Variants in SPATA7 observed in about 807,000 individuals in gnomAD.
The protein encoded by SPATA7 is spermatogenesis associated 7.
Under a neutral mutation model 51.8 loss-of-function variants are expected in SPATA7, and 43 were observed. The ratio of observed to expected loss-of-function variants is 0.83; its 90% confidence interval spans 0.65 to 1.07. The LOEUF is 1.07. SPATA7 is among the 50% of genes least tolerant of loss of function. The pLI, the probability that SPATA7 is intolerant of heterozygous loss-of-function variation, is 0.00. For missense variants in SPATA7, 683 were observed against 701.3 expected (o/e 0.97, Z 0.30); for synonymous variants, 230 against 252.8 (o/e 0.91, Z 0.86).
chr14:88,420,581 C>G (rs767411588), intron 5 of SPATA7, among the ~76,000 whole-genome samples: 3 of 151,972 alleles, frequency 2.0e-5, no homozygotes, highest in Non-Finnish European at 2.9e-5. Context: ...ATTTTTTGAA[C>G]TTTTAAATTT....
At chr14:88,387,385 A>G (rs1393925095) in intron 1 of SPATA7, among the ~76,000 whole-genome samples, 2 of 145,706 alleles carry the variant, frequency 1.4e-5, no homozygotes, top group African/African-American at 5.7e-5. Context: ...AATGTCAAAT[A>G]CTGTTATTTT....
intron 3 of SPATA7, among the ~76,000 whole-genome samples, chr14:88,444,176 C>G (rs1293983253): frequency 6.6e-6 from 1 of 151,958 alleles, no homozygotes; most frequent in East Asian, 1.9e-4. Flanking sequence ...GATCGCCATT[C>G]TAACTGGTGT....
At chr14:88,393,900 A>T (rs116743535) in intron 3 of SPATA7, among the ~76,000 whole-genome samples, 2 of 152,248 alleles carry the variant, frequency 1.3e-5, no homozygotes, top group African/African-American at 4.8e-5. Context: ...TATAATGTGT[A>T]CAGATAAATA....
chr14:88,440,845 G>A (rs984645598), downstream of SPATA7, among the ~76,000 whole-genome samples: 1 of 151,884 alleles, frequency 6.6e-6, no homozygotes, highest in African/African-American at 2.4e-5. Flanking sequence ...TTTTATTTCA[G>A]TAGGATTTTG....
intron 4 of SPATA7, among the ~76,000 whole-genome samples, chr14:88,411,543 A>G (rs1339123024): frequency 6.6e-6 from 1 of 151,994 alleles, no homozygotes; most frequent in East Asian, 1.9e-4. Context: ...TGCAAAGACC[A>G]TGGGTAAAGC....
In SPATA7 at chr14:88,402,206, T is replaced by C. The variant is rs2076080080; in HGVS notation, c.238+6003T>C. Among the ~76,000 whole-genome samples the C allele has an allele frequency of 2.6e-5, 4 of 152,242 alleles. No homozygotes were observed. The South Asian group carries it at 8.3e-4, about 32-fold the overall frequency. Reference sequence around the variant, plus strand: ...TGAATTGGAATAATTAATATTGTTATAATTTTTGTACTACCCAAAGTAGTC... The same window carrying C: ...TGAATTGGAATAATTAATATTGTTACAATTTTTGTACTACCCAAAGTAGTC... On this transcript the variant is annotated intron_variant, in intron 4 of 11. Coordinates refer to ENST00000393545, the MANE Select transcript of SPATA7 (RefSeq NM_018418.5).
chr14:88,403,201 A>G (rs1057112741), intron 4 of SPATA7, among the ~76,000 whole-genome samples: 2 of 152,200 alleles, frequency 1.3e-5, no homozygotes, highest in African/African-American at 4.8e-5. Context: ...AGGAAAGGGA[A>G]CACTTGTGCA....
intron 2 of SPATA7, among the ~76,000 whole-genome samples, chr14:88,392,292 T>G (rs2075766261): frequency 6.6e-6 from 1 of 152,168 alleles, no homozygotes; most frequent in African/African-American, 2.4e-5. Context: ...CTAACTTTCT[T>G]TTAAAGAATA....
intron 3 of SPATA7, among the ~76,000 whole-genome samples, chr14:88,446,021 C>T (rs1279036004): frequency 6.6e-6 from 1 of 152,106 alleles, no homozygotes; most frequent in Admixed American, 6.6e-5. Context: ...AGGGAGGATT[C>T]CCTCTTTTTC....
In SPATA7 at chr14:88,426,641, C is replaced by T; in HGVS notation, c.782C>T (p.Pro261Leu). ...CTGTCACAGTATCGCTATTATACAC[C>T]TGCCAAAAGAAAAAAGGATTTTACA... ...SFLSQYRYYT[P>L]AKRKKDFTDQ... Residue 261 changes from proline to leucine, a missense_variant, in exon 6 of 12, where the codon CCT becomes CTT. Pro to Leu is a moderately conservative substitution (Grantham distance 98). Transcript: ENST00000393545. 1.2e-6 allele frequency: 2 copies of T among 1,613,932 alleles called. No homozygotes were observed. Among genetic ancestry groups the T allele is most frequent in the Non-Finnish European group, 8.5e-7 (1 of 1,180,012 alleles).
intron 3 of SPATA7, among the ~76,000 whole-genome samples, chr14:88,394,115 A>C (rs1176723261): frequency 6.6e-6 from 1 of 152,236 alleles, no homozygotes; most frequent in African/African-American, 2.4e-5. Flanking sequence ...GTAGTTATCC[A>C]TAGACAAACA....
chr14:88,426,143 G>T, intron 5 of SPATA7, 89 bp from the exon 6 acceptor site: 2 of 923,218 alleles, frequency 2.2e-6, no homozygotes, highest in African/African-American at 1.6e-5. Context: ...AAACCCTTGA[G>T]GCTATCATTT....
chr14:88,467,872 C>A (rs1566802552), intron 4 of SPATA7: 1 of 456,648 alleles, frequency 2.2e-6, no homozygotes, highest in East Asian at 4.7e-5. Context: ...AAAATGTGTG[C>A]AAGTACTGCA....
intron 4 of SPATA7, among the ~76,000 whole-genome samples, chr14:88,396,652 A>G (rs568187144): frequency 6.6e-6 from 1 of 152,234 alleles, no homozygotes; most frequent in South Asian, 2.1e-4. Flanking sequence ...TATATACCAC[A>G]TTTTACTTAT....
At chr14:88,396,961 C>G (rs887329073) in intron 4 of SPATA7, among the ~76,000 whole-genome samples, 1 of 151,890 alleles carries the variant, frequency 6.6e-6, no homozygotes, top group African/African-American at 2.4e-5. Context: ...TAACCTCCAC[C>G]TCCTGGGCTC....
At chr14:88,448,273 G>A (rs1437488651) in intron 3 of SPATA7, among the ~76,000 whole-genome samples, 3 of 151,924 alleles carry the variant, frequency 2.0e-5, no homozygotes, top group African/African-American at 4.8e-5. Context: ...CCAGTTGATC[G>A]CATTGGCTCC....
intron 4 of SPATA7, among the ~76,000 whole-genome samples, chr14:88,401,898 A>G (rs1379793200): frequency 1.3e-5 from 2 of 150,986 alleles, no homozygotes; most frequent in Non-Finnish European, 3.0e-5. Flanking sequence ...CATGATATAT[A>G]TGTAGAATAC....
At chr14:88,422,814 T>G (rs537593139) in intron 5 of SPATA7, among the ~76,000 whole-genome samples, 14 of 152,006 alleles carry the variant, frequency 9.2e-5, no homozygotes, top group Non-Finnish European at 1.9e-4. Context: ...ATAATAAATA[T>G]TTTAGATACA....
intron 3 of SPATA7, among the ~76,000 whole-genome samples, chr14:88,448,759 C>G (rs1386265308): frequency 3.9e-5 from 6 of 152,212 alleles, no homozygotes; most frequent in South Asian, 2.1e-4. Flanking sequence ...AGGTGTCAGT[C>G]TGCCCCTGCT....
Sources: allele counts gnomAD v4.1 joint callset (sites outside exome capture counted in the v4.1 genomes callset), GRCh38; gene constraint gnomAD v4.1.1; transcripts MANE v1.5; gene names NCBI Gene and HGNC (gene_info 2026-07-23, HGNC 2026-07-21).